RTN4IP1: variants seen among roughly 807,000 people sequenced by gnomAD.
RTN4IP1 encodes NAD(P)H oxidoreductase RTN4IP1, mitochondrial.
In RTN4IP1, 32 loss-of-function variants were observed where a neutral mutation model predicts 46.6. The observed-to-expected ratio is 0.69, with a 90% CI of 0.52 to 0.92. The LOEUF is 0.92. Among genes scored for constraint, RTN4IP1 ranks in the 40% least tolerant of loss-of-function variants. The pLI is 0.00. For missense variants in RTN4IP1, 424 were observed against 485.8 expected, an observed-to-expected ratio of 0.87 and a Z score of 1.20; for synonymous variants, 167 against 161.8, an observed-to-expected ratio of 1.03 and a Z score of -0.24.
intron 3 of RTN4IP1, 135 bp from the exon 4 acceptor site, chr6:106,619,461 G>C (rs188344754): frequency 9.9e-7 from 1 of 1,005,600 alleles, no homozygotes; most frequent in African/African-American, 1.6e-5. Flanking sequence ...CCACTTATAC[G>C]TGGATTTCCT....
At chr6:106,599,475 T>C (rs1474756396) in intron 5 of RTN4IP1, among the ~76,000 whole-genome samples, 1 of 151,676 alleles carries the variant, frequency 6.6e-6, no homozygotes, top group Non-Finnish European at 1.5e-5. Context: ...TAAGAAGTTT[T>C]ACTAAGTAGA....
intron 5 of RTN4IP1, among the ~76,000 whole-genome samples, chr6:106,596,649 CCTT>C (rs1228284995): frequency 6.6e-6 from 1 of 152,174 alleles, no homozygotes; most frequent in Non-Finnish European, 1.5e-5. Flanking sequence ...TACACTCTCT[CCTT>C]CTAAGCCCTC....
chr6:106,604,202 T>C (rs976172466), intron 4 of RTN4IP1, among the ~76,000 whole-genome samples: 5 of 152,182 alleles, frequency 3.3e-5, no homozygotes, highest in African/African-American at 4.8e-5. Context: ...GCCCAAATCA[T>C]AGAAGGCTGT....
At chr6:106,584,574 A>G (rs1477334481) in intron 7 of RTN4IP1, among the ~76,000 whole-genome samples, 1 of 152,076 alleles carries the variant, frequency 6.6e-6, no homozygotes, top group African/African-American at 2.4e-5. Flanking sequence ...TAGTTATGTT[A>G]TTTTTGTCAG....
rs112335772 is a variant in RTN4IP1 at position 106,619,374 on chromosome 6, A to T, written c.496-48T>A. The T allele has an allele frequency of 1.9e-5, 30 of 1,609,996 alleles. 1 individual carries two copies. The South Asian group carries it at 2.8e-4, about 15-fold the overall frequency. On this transcript the variant is annotated intron_variant, in intron 3 of 8. Coordinates refer to ENST00000369063, the MANE Select transcript of RTN4IP1 (RefSeq NM_032730.5). The stretch of plus-strand genomic sequence containing the variant: ...AAAATAAGCAATGACTTGCAAACCT[A>T]TGAACACAATTAAGCACATTTACCT...
chr6:106,607,583 T>C (rs1438773937), intron 4 of RTN4IP1: 2 of 152,108 alleles, frequency 1.3e-5, no homozygotes, highest in African/African-American at 4.8e-5. Flanking sequence ...CAGACATTTC[T>C]CAAAAAGAGA....
At chr6:106,592,971 A>T (rs1775700575) in intron 5 of RTN4IP1, among the ~76,000 whole-genome samples, 1 of 152,056 alleles carries the variant, frequency 6.6e-6, no homozygotes, top group Admixed American at 6.6e-5. Flanking sequence ...CAAGGATAGC[A>T]AAGTTAAATG....
intron 8 of RTN4IP1, among the ~76,000 whole-genome samples, chr6:106,580,764 T>C (rs7776294): frequency 0.14 from 21,024 of 151,008 alleles, 1,707 homozygotes; most frequent in African/African-American, 0.2. Context: ...TGCATATCTC[T>C]TTTGACTCAG....
upstream of RTN4IP1, among the ~76,000 whole-genome samples, chr6:106,630,352 T>G (rs968556116): frequency 6.6e-6 from 1 of 152,038 alleles, no homozygotes; most frequent in African/African-American, 2.4e-5. Context: ...TTAAAAAAGC[T>G]CTGGTATTTC....
chr6:106,577,422 T>C (rs1347447519), intron 8 of RTN4IP1, among the ~76,000 whole-genome samples: 1 of 97,722 alleles, frequency 1.0e-5, no homozygotes, highest in Non-Finnish European at 1.9e-5. Context: ...CACTCCAGCC[T>C]GGGTGACAAA....
chr6:106,573,847 A>G (rs771459351), intron 8 of RTN4IP1, among the ~76,000 whole-genome samples: 6 of 152,184 alleles, frequency 3.9e-5, no homozygotes, highest in Non-Finnish European at 8.8e-5. Context: ...CACAGCCTGC[A>G]TGTTGGCCTG....
chr6:106,608,156 A>T (rs1776133868), intron 4 of RTN4IP1, among the ~76,000 whole-genome samples: 2 of 152,254 alleles, frequency 1.3e-5, no homozygotes, highest in African/African-American at 4.8e-5. Flanking sequence ...GCCATAAAAA[A>T]GAAAGAATGA....
intron 1 of RTN4IP1, 145 bp downstream of exon 1, chr6:106,628,603 A>C (rs965578666): frequency 4.1e-6 from 3 of 735,324 alleles, no homozygotes; most frequent in Admixed American, 3.1e-5. Context: ...AATTTCAAAA[A>C]TTTTGGAAAT....
At chr6:106,583,570 T>C in intron 7 of RTN4IP1, 150 bp from the exon 8 acceptor site, 3 of 610,434 alleles carry the variant, frequency 4.9e-6, no homozygotes, top group Non-Finnish European at 8.9e-6. Context: ...CTTGGCACAA[T>C]GACTGACAGA....
At chr6:106,599,027 A>T (rs1775877440) in intron 5 of RTN4IP1, among the ~76,000 whole-genome samples, 1 of 149,966 alleles carries the variant, frequency 6.7e-6, no homozygotes, top group African/African-American at 2.5e-5. Context: ...TCCTATTCTG[A>T]TTTATTTTGT....
At chr6:106,600,569 C>T (rs1371143736) in intron 5 of RTN4IP1, among the ~76,000 whole-genome samples, 1 of 151,950 alleles carries the variant, frequency 6.6e-6, no homozygotes, top group Non-Finnish European at 1.5e-5. Context: ...TAGTCATTCC[C>T]CACTCCCTTC....
At chr6:106,611,430 C>G (rs1776222574) in intron 4 of RTN4IP1, among the ~76,000 whole-genome samples, 1 of 152,132 alleles carries the variant, frequency 6.6e-6, no homozygotes, top group Non-Finnish European at 1.5e-5. Context: ...ATCCTAATGA[C>G]TTATGAACAA....
chr6:106,577,447 C>CAAAAAAA (rs58921891), intron 8 of RTN4IP1, among the ~76,000 whole-genome samples: 14 of 55,404 alleles, frequency 2.5e-4, no homozygotes, highest in African/African-American at 7.9e-4. Flanking sequence ...GACCCTGTCT[C>CAAAAAAA]AAAAAAAAAA....
chr6:106,575,386 C>G (rs1441655697), intron 8 of RTN4IP1, among the ~76,000 whole-genome samples: 1 of 152,202 alleles, frequency 6.6e-6, no homozygotes, highest in African/African-American at 2.4e-5. Context: ...AAGCCAAGCC[C>G]CAAGATTTGG....
Sources: allele counts gnomAD v4.1 joint callset (sites outside exome capture counted in the v4.1 genomes callset), GRCh38; gene constraint gnomAD v4.1.1; transcripts MANE v1.5; gene names NCBI Gene and HGNC (gene_info 2026-07-23, HGNC 2026-07-21).